Variants in KCTD8 observed in about 807,000 individuals in gnomAD.
KCTD8 encodes BTB/POZ domain-containing protein KCTD8.
KCTD8 carries 27 observed loss-of-function variants against 31.5 expected under a neutral mutation model. That is an observed-to-expected ratio of 0.86 (90% CI 0.63 to 1.18). The LOEUF is 1.18. Ranked by LOEUF, KCTD8 falls within the 50% of genes most tolerant of loss-of-function variation. The pLI is 0.00. For synonymous variants in KCTD8, 290 were observed against 280.0 expected (o/e 1.04, Z -0.36); for missense variants, 658 against 647.7 (o/e 1.02, Z -0.17).
intron 1 of KCTD8, among the ~76,000 whole-genome samples, chr4:44,425,429 T>C (rs1483155539): frequency 6.6e-6 from 1 of 152,010 alleles, no homozygotes; most frequent in Non-Finnish European, 1.5e-5. Context: ...ATCAGTTACT[T>C]TTTCATTTAA....
chr4:44,418,558 C>T (rs1010398350), intron 1 of KCTD8, among the ~76,000 whole-genome samples: 2 of 152,014 alleles, frequency 1.3e-5, no homozygotes, highest in African/African-American at 4.8e-5. Flanking sequence ...TTTTTAGAAG[C>T]TCATATAAAG....
At chr4:44,265,863 A>G (rs892566718) in intron 1 of KCTD8, among the ~76,000 whole-genome samples, 2 of 152,224 alleles carry the variant, frequency 1.3e-5, no homozygotes, top group Non-Finnish European at 2.9e-5. Flanking sequence ...AAAAGAAATG[A>G]ACAAAGCCTC....
chr4:44,254,751 G>C (rs1471462120), intron 1 of KCTD8, among the ~76,000 whole-genome samples: 1 of 151,822 alleles, frequency 6.6e-6, no homozygotes, highest in Non-Finnish European at 1.5e-5. Flanking sequence ...AGTCTCAGAT[G>C]CTCTACCTAT....
chr4:44,397,746 A>T (rs1720542872), intron 1 of KCTD8, among the ~76,000 whole-genome samples: 3 of 152,180 alleles, frequency 2.0e-5, no homozygotes, highest in African/African-American at 7.2e-5. Flanking sequence ...TAGAAAGAAG[A>T]AGTTAGGATT....
At chr4:44,247,409 C>G (rs1715697310) in intron 1 of KCTD8, among the ~76,000 whole-genome samples, 2 of 151,902 alleles carry the variant, frequency 1.3e-5, no homozygotes, top group South Asian at 4.1e-4. Context: ...CATTCACCCC[C>G]CTAAAACCTC....
chr4:44,392,481 T>C (rs984647844), intron 1 of KCTD8, among the ~76,000 whole-genome samples: 1 of 152,038 alleles, frequency 6.6e-6, no homozygotes, highest in African/African-American at 2.4e-5. Flanking sequence ...AGATTGTCCA[T>C]AATATTAAAG....
chr4:44,254,296 C>A (rs1003065947), intron 1 of KCTD8, among the ~76,000 whole-genome samples: 4 of 151,826 alleles, frequency 2.6e-5, no homozygotes, highest in South Asian at 4.1e-4. Context: ...CACTATCCAG[C>A]AAACTATTTT....
intron 1 of KCTD8, among the ~76,000 whole-genome samples, chr4:44,433,776 C>A (rs752910863): frequency 2.0e-4 from 30 of 151,398 alleles, no homozygotes; most frequent in Non-Finnish European, 3.0e-5. Flanking sequence ...GGCCAGCTGC[C>A]AGTTGTCTGA....
At chr4:44,445,793 A>G (rs2109487828) in intron 1 of KCTD8, among the ~76,000 whole-genome samples, 1 of 152,292 alleles carries the variant, frequency 6.6e-6, no homozygotes, top group Non-Finnish European at 1.5e-5. Context: ...TATCTTCTGA[A>G]ATGTTTGGAA....
chr4:44,428,143 CATA>C (rs1197659526), intron 1 of KCTD8, among the ~76,000 whole-genome samples: 7 of 151,356 alleles, frequency 4.6e-5, no homozygotes, highest in African/African-American at 9.7e-5. Context: ...TTCATTCTAT[CATA>C]ATTTTTTTTA....
intron 1 of KCTD8, among the ~76,000 whole-genome samples, chr4:44,440,842 A>G (rs1721794155): frequency 6.6e-6 from 1 of 152,188 alleles, no homozygotes; most frequent in Non-Finnish European, 1.5e-5. Context: ...AAAGACAGAG[A>G]AGTGTGAAGG....
intron 1 of KCTD8, among the ~76,000 whole-genome samples, chr4:44,446,308 A>G (rs1218509003): frequency 6.6e-6 from 1 of 152,204 alleles, no homozygotes; most frequent in Admixed American, 6.5e-5. Flanking sequence ...TACCAAAATA[A>G]ATAAATTCAA....
intron 1 of KCTD8, among the ~76,000 whole-genome samples, chr4:44,266,734 G>A (rs1716381152): frequency 6.6e-6 from 1 of 151,826 alleles, no homozygotes; most frequent in South Asian, 2.1e-4. Flanking sequence ...AAAAGGCAGG[G>A]GTTGCAATCC....
At chr4:44,299,408 C>T (rs1717536915) in intron 1 of KCTD8, among the ~76,000 whole-genome samples, 1 of 152,094 alleles carries the variant, frequency 6.6e-6, no homozygotes, top group Non-Finnish European at 1.5e-5. Flanking sequence ...AGATGGGAAA[C>T]TGTTGTGTAT....
chr4:44,271,588 G>T (rs1716604046), intron 1 of KCTD8, among the ~76,000 whole-genome samples: 2 of 152,178 alleles, frequency 1.3e-5, no homozygotes, highest in East Asian at 3.9e-4. Flanking sequence ...GAAGGTTGTG[G>T]GTTTACAGGA....
chr4:44,330,669 T>G (rs1035267947), intron 1 of KCTD8, among the ~76,000 whole-genome samples: 29 of 151,900 alleles, frequency 1.9e-4, no homozygotes, highest in Admixed American at 7.2e-4. Flanking sequence ...TTAATTAATT[T>G]TTCTGAGCCT....
intron 1 of KCTD8, among the ~76,000 whole-genome samples, chr4:44,420,389 A>G (rs554386574): frequency 5.9e-5 from 9 of 152,216 alleles, no homozygotes; most frequent in Non-Finnish European, 1.2e-4. Context: ...CACGTGGACA[A>G]TCGAAAGAAA....
chr4:44,365,823 T>C (rs982181386), intron 1 of KCTD8, among the ~76,000 whole-genome samples: 1 of 152,136 alleles, frequency 6.6e-6, no homozygotes, highest in African/African-American at 2.4e-5. Context: ...TACAAGAAGA[T>C]ACATTCAAGT....
intron 1 of KCTD8, among the ~76,000 whole-genome samples, chr4:44,446,945 G>C (rs999458504): frequency 2.6e-5 from 4 of 152,150 alleles, no homozygotes; most frequent in Non-Finnish European, 2.9e-5. Flanking sequence ...ATCTGTCAAG[G>C]AGTCCCCTTT....
Sources: gnomAD v4.1 joint callset for allele counts (sites outside exome capture counted in the v4.1 genomes callset) on GRCh38, gnomAD v4.1.1 for gene constraint, MANE v1.5 for transcripts, NCBI Gene and HGNC (gene_info 2026-07-23, HGNC 2026-07-21) for gene names.